Variants in PCDHA12 observed in about 807,000 individuals in gnomAD.
PCDHA12 encodes the protein protocadherin alpha 12.
A neutral mutation model predicts 60.0 loss-of-function variants in PCDHA12; 44 were observed. That is an observed-to-expected ratio of 0.73 (90% CI 0.58 to 0.94). The LOEUF (loss-of-function observed/expected upper bound fraction) is 0.94. Among genes scored for constraint, PCDHA12 ranks in the 40% least tolerant of loss-of-function variants. The pLI is 0.00. For missense variants in PCDHA12, 1,276 were observed against 1,239.7 expected, an observed-to-expected ratio of 1.03 and a Z score of -0.44; for synonymous variants, 569 against 553.0, an observed-to-expected ratio of 1.03 and a Z score of -0.40.
In PCDHA12 at chr5:140,875,869, T is replaced by C. The variant is rs2055890630; in HGVS notation, c.397T>C (p.Phe133Leu). ...GGACATTAACGACAACCCGCCGGTG[T>C]TCAGAGAAAGGGAACAAAAGGTACC... ...VKDINDNPPV[F>L]REREQKVPVS... The change falls in exon 1 of 4, where the codon TTC becomes CTC. Residue 133 changes from phenylalanine to leucine, a missense_variant. Phe to Leu is a conservative substitution (Grantham distance 22, BLOSUM62 0). Coordinates refer to ENST00000398631, the MANE Select transcript of PCDHA12 (RefSeq NM_018903.4). 4.3e-6 allele frequency: 7 copies of C among 1,614,170 alleles called. No individual in the cohort carries two copies. The East Asian group carries it at 1.6e-4, about 36-fold the overall frequency.
intron 1 of PCDHA12, among the ~76,000 whole-genome samples, chr5:140,970,888 A>G (rs1452967166): frequency 6.6e-6 from 1 of 152,154 alleles, no homozygotes; most frequent in Non-Finnish European, 1.5e-5. Flanking sequence ...TTTCTCATGG[A>G]CATTTCAGAT....
intron 1 of PCDHA12, among the ~76,000 whole-genome samples, chr5:140,892,991 A>G (rs1477087965): frequency 1.3e-5 from 2 of 152,196 alleles, no homozygotes; most frequent in African/African-American, 2.4e-5. Context: ...TATAAGTGAG[A>G]ACATGTATTT....
chr5:140,997,100 T>G (rs1286807919), intron 3 of PCDHA12, among the ~76,000 whole-genome samples: 1 of 152,170 alleles, frequency 6.6e-6, no homozygotes, highest in Non-Finnish European at 1.5e-5. Flanking sequence ...AGAGTTCTCA[T>G]GCACTCCTGC....
In PCDHA12 at chr5:140,995,948, C is replaced by T. The variant is rs143431693; in HGVS notation, c.2515+13385C>T. Among the ~76,000 whole-genome samples the T allele has an allele frequency of 4.7e-3, 711 of 152,264 alleles. 7 individuals carry two copies. The highest frequency in any genetic ancestry group is 0.016 in the African/African-American group (645 of 41,554). ...TGTAAGTATTAAATGACATAATGCA[C>T]GCAAAATGCTTAGAACCATGCTTAG... On this transcript the variant is annotated intron_variant, in intron 3 of 3. Transcript: ENST00000398631.
chr5:140,917,058 C>T (rs1028478613), intron 1 of PCDHA12, among the ~76,000 whole-genome samples: 4 of 152,072 alleles, frequency 2.6e-5, no homozygotes, highest in Non-Finnish European at 5.9e-5. Context: ...TTCCCTGCTA[C>T]GACAGCACCG....
At position 140,875,423 on chromosome 5, in the gene PCDHA12, G is replaced by T; in HGVS notation, c.-50G>T. The stretch of plus-strand genomic sequence containing the variant: ...ACTGCTCATAAAATACCTCAGGCAA[G>T]CGATCCCTTAAAACTGATTGTCCCA... On this transcript the variant is annotated 5_prime_UTR_variant, in exon 1 of 4. Transcript: ENST00000398631. 1 of 1,524,996 alleles carries T rather than the reference G, an allele frequency of 6.6e-7. No homozygotes were observed. The highest frequency in any genetic ancestry group is 8.8e-7 in the Non-Finnish European group (1 of 1,139,316). The allele number at this position is 1,524,996 out of a possible 1,614,324, so 94.5% of individuals were successfully genotyped here. A position where few individuals can be genotyped will look rare whatever the true frequency, so the allele number is the denominator to read the frequency against.
intron 1 of PCDHA12, among the ~76,000 whole-genome samples, chr5:140,916,805 A>G (rs560427769): frequency 6.6e-6 from 1 of 152,152 alleles, no homozygotes; most frequent in Non-Finnish European, 1.5e-5. Context: ...ATGACTTCCT[A>G]GGTCATGTGC....
intron 1 of PCDHA12, among the ~76,000 whole-genome samples, chr5:140,904,446 T>C (rs34807894): frequency 0.32 from 47,642 of 151,146 alleles, 7,868 homozygotes; most frequent in East Asian, 0.52. Context: ...TATTACAATT[T>C]CTTTATACAC....
intron 1 of PCDHA12, among the ~76,000 whole-genome samples, chr5:140,943,465 GA>G (rs1412044069): frequency 6.6e-6 from 1 of 152,022 alleles, no homozygotes. Flanking sequence ...CTAAATGTGG[GA>G]GATACAGTAA....
chr5:141,001,253 C>G (rs896546841), intron 3 of PCDHA12, among the ~76,000 whole-genome samples: 1 of 152,078 alleles, frequency 6.6e-6, no homozygotes, highest in East Asian at 1.9e-4. Context: ...CCCTATGGGG[C>G]GGGCACTCTT....
intron 3 of PCDHA12, among the ~76,000 whole-genome samples, chr5:141,008,684 G>A (rs1426948038): frequency 2.0e-5 from 3 of 152,236 alleles, no homozygotes; most frequent in South Asian, 4.2e-4. Flanking sequence ...TTTAGTTATT[G>A]CATGTATTAA....
chr5:140,969,998 G>A (rs1345371434), intron 1 of PCDHA12, among the ~76,000 whole-genome samples: 2 of 152,220 alleles, frequency 1.3e-5, no homozygotes, highest in Non-Finnish European at 2.9e-5. Flanking sequence ...GGCTGTCAGA[G>A]GGAGTGGATG....
At chr5:140,879,268 A>G (rs1289844412) in intron 1 of PCDHA12, among the ~76,000 whole-genome samples, 1 of 152,268 alleles carries the variant, frequency 6.6e-6, no homozygotes, top group East Asian at 1.9e-4. Flanking sequence ...CCAGATAATG[A>G]CAGACTCAAT....
intron 3 of PCDHA12, among the ~76,000 whole-genome samples, chr5:140,992,421 A>C (rs1412648457): frequency 6.6e-6 from 1 of 152,164 alleles, no homozygotes; most frequent in African/African-American, 2.4e-5. Flanking sequence ...CAGGTCTAAG[A>C]ATATTGTTCC....
intron 1 of PCDHA12, chr5:140,882,607 T>G (rs1313419888): frequency 6.8e-6 from 11 of 1,614,124 alleles, no homozygotes; most frequent in East Asian, 2.2e-5. Flanking sequence ...TGGACAGGCC[T>G]CTGCAGGTTT....
At chr5:140,924,464 G>A (rs1358240470) in intron 1 of PCDHA12, among the ~76,000 whole-genome samples, 1 of 152,196 alleles carries the variant, frequency 6.6e-6, no homozygotes, top group Non-Finnish European at 1.5e-5. Flanking sequence ...TGTTTAGGGA[G>A]GTAACTGGTT....
chr5:140,897,695 C>T (rs1417139429), intron 1 of PCDHA12, among the ~76,000 whole-genome samples: 12 of 152,090 alleles, frequency 7.9e-5, no homozygotes, highest in South Asian at 4.2e-4. Flanking sequence ...GTCCTTTGGG[C>T]ATATACCCAG....
Position 140,877,239 on chromosome 5 carries a change from C to T in PCDHA12, c.1767C>T (p.His589=), listed in dbSNP as rs2056959197. ...TACCGCGGTCGGTGGGTGCGGGCCA[C>T]GTGGTGGCGAAAGTGCGCGCGGTGG... ...ELVPRSVGAG[H]VVAKVRAVDA... The change falls in exon 1 of 4, where the codon CAC becomes CAT. Residue 589 remains histidine, a synonymous_variant. Transcript: ENST00000398631. The T allele has an allele frequency of 1.9e-6, 3 of 1,613,668 alleles. No individual in the cohort carries two copies. Among genetic ancestry groups the T allele is most frequent in the Middle Eastern group, 1.7e-4 (1 of 6,026 alleles).
chr5:141,002,918 GAACACCCTCC>G (rs1554258833), intron 3 of PCDHA12, among the ~76,000 whole-genome samples: 1 of 152,192 alleles, frequency 6.6e-6, no homozygotes, highest in Non-Finnish European at 1.5e-5. Flanking sequence ...TCAGAAAAGT[GAACACCCTCC>G]AACACCCTCC....
Sources: allele counts gnomAD v4.1 joint callset (sites outside exome capture counted in the v4.1 genomes callset), GRCh38; gene constraint gnomAD v4.1.1; transcripts MANE v1.5; gene names NCBI Gene and HGNC (gene_info 2026-07-23, HGNC 2026-07-21).